Variants in SLC1A3 observed in about 807,000 individuals in gnomAD.
The protein encoded by SLC1A3 is excitatory amino acid transporter 1.
In SLC1A3, 21 loss-of-function variants were observed where a neutral mutation model predicts 48.1. The ratio of observed to expected loss-of-function variants is 0.44; its 90% confidence interval spans 0.31 to 0.63. The LOEUF is 0.63. Among genes scored for constraint, SLC1A3 ranks in the 20% least tolerant of loss-of-function variants. The pLI is 0.08. For synonymous variants in SLC1A3, 239 were observed against 251.4 expected, an observed-to-expected ratio of 0.95 and a Z score of 0.47; for missense variants, 546 against 689.0, an observed-to-expected ratio of 0.79 and a Z score of 2.32.
intron 3 of SLC1A3, chr5:36,636,210 C>G (rs1740345822): frequency 6.6e-6 from 1 of 152,138 alleles, no homozygotes. Context: ...TCTCTAGGAG[C>G]TGAGGATACC....
intron 3 of SLC1A3, among the ~76,000 whole-genome samples, chr5:36,647,515 T>C (rs1198797360): frequency 6.6e-6 from 1 of 152,216 alleles, no homozygotes; most frequent in African/African-American, 2.4e-5. Flanking sequence ...TTCAAAATGA[T>C]CCCAAACATT....
chr5:36,596,701 C>T (rs1738744823), intron 1 of SLC1A3, among the ~76,000 whole-genome samples: 2 of 152,176 alleles, frequency 1.3e-5, no homozygotes, highest in South Asian at 4.1e-4. Flanking sequence ...TTAAATATTA[C>T]ATTTGAAAAA....
At chr5:36,606,121 C>T (rs1198274016), upstream of SLC1A3, among the ~76,000 whole-genome samples, 2 of 152,154 alleles carry the variant, frequency 1.3e-5, no homozygotes, top group Non-Finnish European at 2.9e-5. Context: ...TCGTAGTAAG[C>T]ATTATTTTTT....
At chr5:36,684,242 A>G (rs1742555681) in intron 9 of SLC1A3, among the ~76,000 whole-genome samples, 1 of 152,246 alleles carries the variant, frequency 6.6e-6, no homozygotes, top group African/African-American at 2.4e-5. Flanking sequence ...ATCTCACTCC[A>G]TAAAGCCATT....
chr5:36,615,114 C>G lies in SLC1A3; in HGVS notation c.181+6510C>G, dbSNP rs532952130. 1.1e-3 allele frequency among the ~76,000 whole-genome samples: 170 copies of G among 152,232 alleles called. 1 individual carries two copies. Among genetic ancestry groups the G allele is most frequent in the Non-Finnish European group, 1.8e-3 (122 of 68,024 alleles). On this transcript the variant is annotated intron_variant, in intron 2 of 9. Coordinates refer to ENST00000265113, the MANE Select transcript of SLC1A3 (RefSeq NM_004172.5). ...AGCACGTAAGCTATGACCAGGCCACCCTCCTTCTGATTTGTATCTGCAAAT... is the reference window on the plus strand; with the variant it reads ...AGCACGTAAGCTATGACCAGGCCACGCTCCTTCTGATTTGTATCTGCAAAT...
chr5:36,677,225 G>C (rs762889135), intron 6 of SLC1A3, 41 bp downstream of exon 6: 15 of 1,555,844 alleles, frequency 9.6e-6, no homozygotes, highest in Non-Finnish European at 1.3e-5. Context: ...ATACGAGATG[G>C]TTATTGCCAT....
intron 3 of SLC1A3, chr5:36,667,762 T>C (rs1005583097): frequency 6.6e-6 from 1 of 152,242 alleles, no homozygotes; most frequent in African/African-American, 2.4e-5. Flanking sequence ...GAAAGAGCCA[T>C]CATGGTACTT....
chr5:36,638,859 G>C (rs1021448907), intron 3 of SLC1A3: 1 of 152,154 alleles, frequency 6.6e-6, no homozygotes, highest in African/African-American at 2.4e-5. Context: ...GTAGAGACGG[G>C]GTTTCACCAT....
rs1385579142 is a variant in SLC1A3, at chr5:36,608,581, TCA to T, written c.161_162del (p.Thr54SerfsTer59). ...CTGTTTCGGAATGCTTTTGTGCTGCTCACAGTCACCGCTGTCATTGTGGGTGA... is the reference window on the plus strand; with the variant it reads ...CTGTTTCGGAATGCTTTTGTGCTGCTCAGTCACCGCTGTCATTGTGGGTGA... On this transcript the variant is annotated frameshift_variant, in exon 2 of 10. Transcript: ENST00000265113. LOFTEE classifies it high-confidence loss of function. 6.2e-7 allele frequency: 1 copy of T among 1,613,922 alleles called. No homozygotes were observed. The highest frequency in any genetic ancestry group is 1.7e-5 in the Admixed American group (1 of 60,024).
At chr5:36,624,939 G>A (rs1277190661) in intron 2 of SLC1A3, among the ~76,000 whole-genome samples, 1 of 152,124 alleles carries the variant, frequency 6.6e-6, no homozygotes, top group Non-Finnish European at 1.5e-5. Context: ...TTTCTCCAGG[G>A]CGTTCACCAT....
intron 3 of SLC1A3, among the ~76,000 whole-genome samples, chr5:36,634,046 C>T (rs1056103291): frequency 6.6e-6 from 1 of 152,130 alleles, no homozygotes; most frequent in Non-Finnish European, 1.5e-5. Context: ...GAGACTAAAG[C>T]TGGCAGATCA....
rs762105059 is a variant in SLC1A3, at chr5:36,671,228, G to A, written c.519G>A (p.Leu173=). ...CAGCTGCAGATGCCTTCCTGGACTT[G>A]ATCAGGTATGTCCTTGCAAGCCCGT... is the stretch of plus-strand genomic sequence containing the variant. The part of the protein sequence containing the change: ...RVTAADAFLD[L]IRNMFPPNLV... The change falls in exon 4 of 10, where the codon TTG becomes TTA. Residue 173 remains leucine, a synonymous_variant. Transcript: ENST00000265113. The A allele has an allele frequency of 6.2e-7, 1 of 1,611,750 alleles. No homozygotes were observed. Among genetic ancestry groups the A allele is most frequent in the South Asian group, 1.1e-5 (1 of 90,930 alleles).
chr5:36,676,026 T>C (rs907136562), intron 5 of SLC1A3, among the ~76,000 whole-genome samples: 1 of 152,184 alleles, frequency 6.6e-6, no homozygotes, highest in Non-Finnish European at 1.5e-5. Context: ...ACTTGTTTCA[T>C]GTGGCCAGCA....
In SLC1A3 at chr5:36,666,268, T is replaced by A. The variant is rs532301232; in HGVS notation, c.320-4761T>A. ...AAAACTTATATTCACATGAATATGG[T>A]ACATATTAGCACTCATCCTTGCTTT... On this transcript the variant is annotated intron_variant, in intron 3 of 9. Transcript: ENST00000265113. 17 of 152,336 alleles carry A rather than the reference T, an allele frequency of 1.1e-4. No homozygotes were observed. In the South Asian group the frequency reaches 1.4e-3, roughly 13 times the overall value. 9.4% of individuals were successfully genotyped at this position (152,336 alleles called of 1,614,324 possible).
At chr5:36,627,527 TTC>T (rs1739958714) in intron 2 of SLC1A3, among the ~76,000 whole-genome samples, 1 of 152,030 alleles carries the variant, frequency 6.6e-6, no homozygotes, top group African/African-American at 2.4e-5. Flanking sequence ...TAAAATAGCC[TTC>T]ATATATTCAT....
At chr5:36,658,794 T>C (rs1318846687) in intron 3 of SLC1A3, among the ~76,000 whole-genome samples, 2 of 152,180 alleles carry the variant, frequency 1.3e-5, no homozygotes, top group Admixed American at 6.5e-5. Flanking sequence ...GCCTTTGCAA[T>C]GTGTAATTAT....
chr5:36,597,668 T>C (rs1579930912), intron 1 of SLC1A3, among the ~76,000 whole-genome samples: 1 of 152,306 alleles, frequency 6.6e-6, no homozygotes, highest in South Asian at 2.1e-4. Context: ...CTCAGTCTTT[T>C]TTCTGACCTC....
At chr5:36,629,850 TA>T (rs1740071078) in intron 3 of SLC1A3, 1 of 462,270 alleles carries the variant, frequency 2.2e-6, no homozygotes, top group Non-Finnish European at 4.0e-6. Context: ...GGTGCCCTGC[TA>T]AACACCACAC....
At chr5:36,617,412 G>A (rs1481805482) in intron 2 of SLC1A3, among the ~76,000 whole-genome samples, 18 of 136,316 alleles carry the variant, frequency 1.3e-4, no homozygotes, top group African/African-American at 3.7e-4. Context: ...AAAAGGTTGC[G>A]GGCTTTTTTT....
Sources: allele counts gnomAD v4.1 joint callset (sites outside exome capture counted in the v4.1 genomes callset), GRCh38; gene constraint gnomAD v4.1.1; transcripts MANE v1.5; gene names NCBI Gene and HGNC (gene_info 2026-07-23, HGNC 2026-07-21).